Variants in PCBP3 observed in about 807,000 individuals in gnomAD.
The protein encoded by PCBP3 is poly(rC)-binding protein 3.
PCBP3 carries 25 observed loss-of-function variants against 52.7 expected under a neutral mutation model. The observed-to-expected ratio is 0.47, with a 90% CI of 0.35 to 0.66. The LOEUF is 0.66. Among genes scored for constraint, PCBP3 ranks in the 30% least tolerant of loss-of-function variants. The pLI, the probability that PCBP3 is intolerant of heterozygous loss-of-function variation, is 0.01. For synonymous variants in PCBP3, 162 were observed against 183.0 expected (o/e 0.89, Z 0.93); for missense variants, 391 against 490.3 (o/e 0.80, Z 1.91).
intron 4 of PCBP3, chr21:45,828,333 G>C (rs2093358347): frequency 6.6e-6 from 1 of 152,188 alleles, no homozygotes; most frequent in Non-Finnish European, 1.5e-5. Flanking sequence ...ATGGCACCAG[G>C]CTTAATGCCC....
chr21:45,940,350 G>A, intron 17 of PCBP3, 151 bp downstream of exon 17: 5 of 683,434 alleles, frequency 7.3e-6, no homozygotes, highest in South Asian at 2.1e-5. Flanking sequence ...GCTGGATGGT[G>A]GGGACAGGAT....
chr21:45,767,676 GGC>G (rs2089476846), intron 4 of PCBP3, among the ~76,000 whole-genome samples: 1 of 152,212 alleles, frequency 6.6e-6, no homozygotes, highest in Admixed American at 6.5e-5. Flanking sequence ...TAAGAAATGG[GGC>G]ATGGGGAGGT....
chr21:45,926,664 G>A (rs574361875), intron 13 of PCBP3, among the ~76,000 whole-genome samples: 98 of 152,272 alleles, frequency 6.4e-4, no homozygotes, highest in African/African-American at 1.7e-3. Flanking sequence ...GTGCCAGGAC[G>A]GTGGGTCAAC....
At chr21:45,813,836 C>T (rs1216397775) in intron 4 of PCBP3, among the ~76,000 whole-genome samples, 1 of 152,202 alleles carries the variant, frequency 6.6e-6, no homozygotes, top group Non-Finnish European at 1.5e-5. Context: ...TTTTTATGGA[C>T]TAAATTTGTT....
At chr21:45,646,349 AGGT>A (rs1198363116) in intron 1 of PCBP3, among the ~76,000 whole-genome samples, 1 of 152,074 alleles carries the variant, frequency 6.6e-6, no homozygotes, top group African/African-American at 2.4e-5. Flanking sequence ...CTGTCTCTCT[AGGT>A]GGGAGTTTTG....
chr21:45,888,140 G>T (rs757316613), intron 5 of PCBP3, among the ~76,000 whole-genome samples: 4 of 152,230 alleles, frequency 2.6e-5, no homozygotes, highest in Non-Finnish European at 4.4e-5. Flanking sequence ...GGGCAGGGGG[G>T]TCTGCCCTAG....
chr21:45,866,940 CGGCAGGAGTAATTAACACA>C (rs1183937149), intron 5 of PCBP3, among the ~76,000 whole-genome samples: 1 of 152,174 alleles, frequency 6.6e-6, no homozygotes, highest in Non-Finnish European at 1.5e-5. Context: ...GAACATTATC[CGGCAGGAGTAATTAACACA>C]GGCAGGACTG....
In PCBP3 at chr21:45,750,295, TTAGCC is replaced by T. The variant is rs1569181052; in HGVS notation, c.-161-5121_-161-5117del. 10 of 152,208 alleles carry T rather than the reference TTAGCC, an allele frequency of 6.6e-5. No homozygotes were observed. In the East Asian group the frequency reaches 1.9e-3, roughly 29 times the overall value. 9.4% of individuals were successfully genotyped at this position (152,208 alleles called of 1,614,324 possible). A position where few individuals can be genotyped will look rare whatever the true frequency, so the allele number is the denominator to read the frequency against. On this transcript the variant is annotated intron_variant, in intron 3 of 17. Coordinates refer to ENST00000681687, the MANE Select transcript of PCBP3 (RefSeq NM_001384156.1). ...GCATCTTGTGACGTTTCCCCAGGACTTAGCCGTGGTTGGTTTCTGCCTTGACCCGT... is the reference window on the plus strand; with the variant it reads ...GCATCTTGTGACGTTTCCCCAGGACTGTGGTTGGTTTCTGCCTTGACCCGT...
Position 45,911,168 on chromosome 21 carries a change from G to C in PCBP3, c.600+138G>C, listed in dbSNP as rs182519063. On this transcript the variant is annotated intron_variant, in intron 11 of 17. Transcript: ENST00000681687. ...GTGGGGGGCTCCTGACCCCAAGTCA[G>C]CCTGAGCGAGAGCGGTGCCGGTATG... is the stretch of plus-strand genomic sequence containing the variant. The C allele has an allele frequency of 1.1e-5, 11 of 992,732 alleles. No individual in the cohort carries two copies. The East Asian group carries it at 2.8e-4, about 25-fold the overall frequency. The allele number at this position is 992,732 out of a possible 1,614,324, so 61.5% of individuals were successfully genotyped here.
At chr21:45,842,848 A>G (rs958633519) in intron 4 of PCBP3, among the ~76,000 whole-genome samples, 154 of 152,326 alleles carry the variant, frequency 1.0e-3, no homozygotes, top group African/African-American at 3.7e-3. Flanking sequence ...CTGACCGGGC[A>G]GGGTGCTGTG....
At chr21:45,797,463 G>C (rs78719434) in intron 4 of PCBP3, among the ~76,000 whole-genome samples, 1 of 20,814 alleles carries the variant, frequency 4.8e-5, no homozygotes, top group African/African-American at 1.7e-4. Context: ...TGAATGCATG[G>C]ATAGACGAGT....
chr21:45,818,816 A>G (rs1175490534), intron 4 of PCBP3, among the ~76,000 whole-genome samples: 2 of 152,236 alleles, frequency 1.3e-5, no homozygotes, highest in East Asian at 1.9e-4. Context: ...ACAGTGGAAT[A>G]TGATTCAGCA....
intron 4 of PCBP3, among the ~76,000 whole-genome samples, chr21:45,803,791 A>G (rs994213708): frequency 2.0e-5 from 3 of 152,164 alleles, no homozygotes; most frequent in Non-Finnish European, 4.4e-5. Context: ...AGCCTGGAAC[A>G]TGGCTTCCCC....
chr21:45,768,680 T>C (rs2089587440), intron 4 of PCBP3, among the ~76,000 whole-genome samples: 1 of 152,226 alleles, frequency 6.6e-6, no homozygotes. Flanking sequence ...GTGCACACAC[T>C]GCATGAAGCT....
intron 12 of PCBP3, chr21:45,915,902 T>G (rs781496905): frequency 5.9e-5 from 9 of 152,208 alleles, no homozygotes; most frequent in Non-Finnish European, 1.2e-4. Flanking sequence ...GTGCCTAGAT[T>G]AGGACACACA....
At chr21:45,661,632 T>A (rs546516947) in intron 1 of PCBP3, among the ~76,000 whole-genome samples, 2 of 152,270 alleles carry the variant, frequency 1.3e-5, no homozygotes, top group African/African-American at 2.4e-5. Flanking sequence ...CAAGCATCTT[T>A]TTGATACAGT....
intron 5 of PCBP3, among the ~76,000 whole-genome samples, chr21:45,877,919 C>T (rs185300633): frequency 6.6e-5 from 10 of 152,370 alleles, no homozygotes; most frequent in Admixed American, 2.0e-4. Flanking sequence ...CCCTTGGGAC[C>T]GGGAGGCGGC....
chr21:45,867,503 G>A (rs2094791733), intron 5 of PCBP3, among the ~76,000 whole-genome samples: 1 of 152,240 alleles, frequency 6.6e-6, no homozygotes, highest in Non-Finnish European at 1.5e-5. Context: ...CACGCGGAGG[G>A]TGCGGGCCGT....
At chr21:45,644,565 T>C (rs1397003985) in intron 1 of PCBP3, among the ~76,000 whole-genome samples, 1 of 152,180 alleles carries the variant, frequency 6.6e-6, no homozygotes, top group African/African-American at 2.4e-5. Flanking sequence ...CTCTGAAGTA[T>C]ATTACTGGCA....
Sources: allele counts gnomAD v4.1 joint callset (sites outside exome capture counted in the v4.1 genomes callset), GRCh38; gene constraint gnomAD v4.1.1; transcripts MANE v1.5; gene names NCBI Gene and HGNC (gene_info 2026-07-23, HGNC 2026-07-21).